The following MAL2 variants were observed in gnomAD, a reference collection of about 807,000 sequenced individuals.
The protein encoded by MAL2 is protein MAL2.
In MAL2, 17 loss-of-function variants were observed where a neutral mutation model predicts 18.1. That is an observed-to-expected ratio of 0.94 (90% CI 0.64 to 1.41). The LOEUF is 1.41. Ranked by LOEUF, MAL2 falls within the 40% of genes most tolerant of loss-of-function variation. The probability of loss-of-function intolerance (pLI) is 0.00; values close to 1 mark genes in which losing one functional copy is unlikely to be tolerated. For missense variants in MAL2, 222 were observed against 231.9 expected (o/e 0.96, Z 0.28); for synonymous variants, 102 against 102.3 (o/e 1.00, Z 0.02).
intron 2 of MAL2, among the ~76,000 whole-genome samples, chr8:119,233,346 TAG>T (rs985455200): frequency 5.9e-5 from 9 of 151,652 alleles, no homozygotes; most frequent in Admixed American, 2.0e-4. Context: ...CTGAAGGAAA[TAG>T]AGACACAAAA....
chr8:119,225,961 G>A (rs1157861928), intron 2 of MAL2, among the ~76,000 whole-genome samples: 1 of 152,098 alleles, frequency 6.6e-6, no homozygotes, highest in Admixed American at 6.5e-5. Flanking sequence ...ACTTTTTGAT[G>A]GGGTTGTTTT....
chr8:119,208,747 CCT>C lies in MAL2; in HGVS notation c.132+147_132+148del, dbSNP rs1817225705. The C allele has an allele frequency of 5.1e-6, 6 of 1,179,790 alleles. No homozygotes were observed. Among genetic ancestry groups the C allele is most frequent in the Non-Finnish European group, 6.3e-6 (6 of 945,612 alleles). The allele number at this position is 1,179,790 out of a possible 1,614,324, so 73.1% of individuals were successfully genotyped here. On this transcript the variant is annotated intron_variant, in intron 1 of 3. Transcript: ENST00000614891. The surrounding 1 kb of genome is among the most constrained non-coding windows in gnomAD (Gnocchi z 4.3). ...TTTGTCCTGCGCTCCCTCCCGGGGTCCTCTCGGTGCCCCGCGCCGCCGCCCGG... is the reference window on the plus strand; with the variant it reads ...TTTGTCCTGCGCTCCCTCCCGGGGTCCTCGGTGCCCCGCGCCGCCGCCCGG...
At chr8:119,210,385 G>A (rs12675172) in intron 1 of MAL2, among the ~76,000 whole-genome samples, 30,748 of 152,026 alleles carry the variant, frequency 0.2, 4,043 homozygotes, top group East Asian at 0.57. Context: ...AGAATAGAAA[G>A]TGACTTAGTC....
At chr8:119,241,558 A>G (rs866479479) in intron 3 of MAL2, among the ~76,000 whole-genome samples, 85 of 152,280 alleles carry the variant, frequency 5.6e-4, no homozygotes, top group Middle Eastern at 6.8e-3. Context: ...TTTAATAATC[A>G]CATGTGCCTA....
intron 1 of MAL2, among the ~76,000 whole-genome samples, chr8:119,216,888 G>C (rs1587120622): frequency 1.3e-5 from 2 of 152,210 alleles, no homozygotes; most frequent in South Asian, 4.1e-4. Flanking sequence ...AAATTGGTTT[G>C]AAAAAATTTT....
At chr8:119,240,602 A>G (rs1032736730) in intron 3 of MAL2, among the ~76,000 whole-genome samples, 3 of 152,188 alleles carry the variant, frequency 2.0e-5, no homozygotes, top group African/African-American at 7.2e-5. Flanking sequence ...TACTTTGCAA[A>G]AAGAGTTGTG....
chr8:119,217,868 G>T (rs912388918), intron 1 of MAL2, among the ~76,000 whole-genome samples: 1 of 151,996 alleles, frequency 6.6e-6, no homozygotes, highest in African/African-American at 2.4e-5. Context: ...GCTCACTAAT[G>T]CCCGGAATTA....
At chr8:119,223,621 A>G (rs551245423) in intron 2 of MAL2, among the ~76,000 whole-genome samples, 2 of 152,328 alleles carry the variant, frequency 1.3e-5, no homozygotes, top group African/African-American at 2.4e-5. Context: ...GTGGTCTTTT[A>G]GCTGGAGTAG....
chr8:119,241,425 A>G (rs552912081), intron 3 of MAL2, among the ~76,000 whole-genome samples: 1 of 152,280 alleles, frequency 6.6e-6, no homozygotes, highest in South Asian at 2.1e-4. Flanking sequence ...CTGTAGTGCT[A>G]CCTACTCAGG....
chr8:119,229,120 G>C (rs1394851433), intron 2 of MAL2, among the ~76,000 whole-genome samples: 3 of 152,068 alleles, frequency 2.0e-5, no homozygotes, highest in Non-Finnish European at 4.4e-5. Context: ...GGGTCCTTTT[G>C]GCTACGTAGC....
At chr8:119,224,692 C>G in intron 2 of MAL2, among the ~76,000 whole-genome samples, 1 of 152,068 alleles carries the variant, frequency 6.6e-6, no homozygotes, top group East Asian at 1.9e-4. Flanking sequence ...CCCTCCTTCT[C>G]CTCTCCCCAC....
chr8:119,243,483 C>A lies in MAL2; in HGVS notation c.526C>A (p.Pro176Thr). The stretch of plus-strand genomic sequence containing the variant: ...GGGTCTGGCTTTACGAAGATGGCGA[C>A]CGTAACACTCCTTAGAAACTGGCAG... The part of the protein sequence containing the change: ...SLGLALRRWR[P>T] The change falls in exon 4 of 4, where the codon CCG (proline) becomes ACG (threonine). Residue 176 changes from proline (P) to threonine (T), a missense_variant. Pro to Thr is a conservative substitution (Grantham distance 38). Transcript: ENST00000614891. The A allele has an allele frequency of 6.3e-7, 1 of 1,594,250 alleles. No homozygotes were observed. The highest frequency in any genetic ancestry group is 8.6e-7 in the Non-Finnish European group (1 of 1,169,184).
chr8:119,208,447 G>GCA lies in MAL2; in HGVS notation c.-26_-25insCA. The stretch of plus-strand genomic sequence containing the variant: ...GAGGCGGGAGGCGGCGGCGGCGCGC[G>GCA]GAGACGCAGCAGCGGCAGCGGCAGC... On this transcript the variant is annotated 5_prime_UTR_variant, in exon 1 of 4. Transcript: ENST00000614891. The surrounding 1 kb of genome is among the most constrained non-coding windows in gnomAD (Gnocchi z 4.3). 1 of 1,181,660 alleles carries GCA rather than the reference G, an allele frequency of 8.5e-7. No individual in the cohort carries two copies. The highest frequency in any genetic ancestry group is 1.6e-5 in the African/African-American group (1 of 62,172). 73.2% of individuals were successfully genotyped at this position (1,181,660 alleles called of 1,614,324 possible). A position where few individuals can be genotyped will look rare whatever the true frequency, so the allele number is the denominator to read the frequency against.
chr8:119,214,212 C>T (rs997220564), intron 1 of MAL2, among the ~76,000 whole-genome samples: 2 of 152,200 alleles, frequency 1.3e-5, no homozygotes, highest in African/African-American at 4.8e-5. Flanking sequence ...TTCTATAGTA[C>T]AAACTGAGCA....
intron 2 of MAL2, among the ~76,000 whole-genome samples, chr8:119,231,323 T>C (rs1358647059): frequency 6.6e-6 from 1 of 152,236 alleles, no homozygotes; most frequent in Admixed American, 6.5e-5. Flanking sequence ...TGAGCCACTG[T>C]GCCCAGCCAG....
chr8:119,208,648 C>A lies in MAL2; in HGVS notation c.132+44C>A. ...GCGAGGGTCGCGCGGGGAGCGAGGACAGGCGGCGGCATCCTTGTCCCCCGG... is the reference window on the plus strand; with the variant it reads ...GCGAGGGTCGCGCGGGGAGCGAGGAAAGGCGGCGGCATCCTTGTCCCCCGG... On this transcript the variant is annotated intron_variant, in intron 1 of 3. Transcript: ENST00000614891. This position sits in a 1 kb window ranked among gnomAD's most constrained non-coding sequence, Gnocchi z 4.3. 7.9e-7 allele frequency: 1 copy of A among 1,268,842 alleles called. No homozygotes were observed. The highest frequency in any genetic ancestry group is 9.9e-7 in the Non-Finnish European group (1 of 1,005,786). The allele number at this position is 1,268,842 out of a possible 1,614,324, so 78.6% of individuals were successfully genotyped here.
intron 3 of MAL2, among the ~76,000 whole-genome samples, chr8:119,240,719 G>C (rs972126623): frequency 6.6e-6 from 1 of 152,162 alleles, no homozygotes; most frequent in East Asian, 1.9e-4. Context: ...AATAGTTACT[G>C]TGGGCCTACC....
chr8:119,237,713 A>T (rs998214337), intron 2 of MAL2, among the ~76,000 whole-genome samples: 29 of 151,914 alleles, frequency 1.9e-4, no homozygotes, highest in African/African-American at 6.3e-4. Flanking sequence ...ATAGATGCAG[A>T]AAAAGCCTTT....
At chr8:119,224,689 TCTC>T (rs1817546854) in intron 2 of MAL2, among the ~76,000 whole-genome samples, 1 of 152,072 alleles carries the variant, frequency 6.6e-6, no homozygotes, top group African/African-American at 2.4e-5. Context: ...TATCCCTCCT[TCTC>T]CTCTCCCCAC....
Sources: gnomAD v4.1 joint callset for allele counts (sites outside exome capture counted in the v4.1 genomes callset) on GRCh38, gnomAD v4.1.1 for gene constraint, Gnocchi (gnomAD v3.1) non-coding constraint, MANE v1.5 for transcripts, NCBI Gene and HGNC (gene_info 2026-07-23, HGNC 2026-07-21) for gene names.